The following ADGRF5 variants were observed in gnomAD, a reference collection of about 807,000 sequenced individuals.
ADGRF5 encodes the protein adhesion G protein-coupled receptor F5.
In ADGRF5, 75 loss-of-function variants were observed where a neutral mutation model predicts 132.3. That is an observed-to-expected ratio of 0.57 (90% CI 0.47 to 0.69). The LOEUF is 0.69. Ranked by LOEUF, ADGRF5 falls within the 30% of genes least tolerant of loss-of-function variation. The pLI, the probability that ADGRF5 is intolerant of heterozygous loss-of-function variation, is 0.00. For synonymous variants in ADGRF5, 629 were observed against 597.6 expected (o/e 1.05, Z -0.77); for missense variants, 1,516 against 1,630.6 (o/e 0.93, Z 1.21).
chr6:46,935,665 T>C (rs1216163748), intron 1 of ADGRF5, among the ~76,000 whole-genome samples: 1 of 152,198 alleles, frequency 6.6e-6, no homozygotes, highest in African/African-American at 2.4e-5. Flanking sequence ...GGGAAGCTAA[T>C]GTTGCCTTTC....
At position 46,862,902 on chromosome 6, in the gene ADGRF5, G is replaced by T. The variant is rs1366820057; in HGVS notation, c.2185C>A (p.Leu729Ile). 1 of 1,609,954 alleles carries T rather than the reference G, an allele frequency of 6.2e-7. No homozygotes were observed. Among genetic ancestry groups the T allele is most frequent in the Non-Finnish European group, 8.5e-7 (1 of 1,177,020 alleles). Residue 729 changes from leucine (L) to isoleucine (I), a missense_variant, in exon 15 of 21, where the codon CTC (leucine) becomes ATC (isoleucine). Coordinates refer to ENST00000283296, the MANE Select transcript of ADGRF5 (RefSeq NM_001098518.2). ...TTAAGGATCACCTTAGCCATCTGGAGCAGACTGTTTATTGGGGCAGAGATG... is the reference window on the plus strand; with the variant it reads ...TTAAGGATCACCTTAGCCATCTGGATCAGACTGTTTATTGGGGCAGAGATG... ...DCISAPINSL[L>I]QMAKALIKSP... is the part of the protein sequence containing the mutation.
At chr6:46,909,609 C>A (rs78336833) in intron 1 of ADGRF5, among the ~76,000 whole-genome samples, 3,224 of 152,302 alleles carry the variant, frequency 0.021, 109 homozygotes, top group African/African-American at 0.074. Flanking sequence ...CCATTAATGG[C>A]ATTCTCTTGC....
chr6:46,891,720 C>T (rs552365352), intron 3 of ADGRF5, among the ~76,000 whole-genome samples: 3 of 152,252 alleles, frequency 2.0e-5, no homozygotes, highest in African/African-American at 7.2e-5. Context: ...TGGTGATTCA[C>T]GGATGTTATC....
Position 46,863,099 on chromosome 6 carries a change from G to A in ADGRF5, c.1991-3C>T. On this transcript the variant is annotated splice_region_variant and splice_polypyrimidine_tract_variant and intron_variant, in intron 14 of 20. Transcript: ENST00000283296. ...ATCCTGGCATGTGATGTTTTCCCCT[G>A]TGTTGGAAACATTGAAATAAAGGGA... The A allele has an allele frequency of 6.2e-7, 1 of 1,606,848 alleles. No individual in the cohort carries two copies. Among genetic ancestry groups the A allele is most frequent in the Non-Finnish European group, 8.5e-7 (1 of 1,173,412 alleles).
In ADGRF5 at chr6:46,871,938, C is replaced by A. The variant is rs1469206021; in HGVS notation, c.1316G>T (p.Gly439Val). 6.2e-7 allele frequency: 1 copy of A among 1,612,362 alleles called. No individual in the cohort carries two copies. Among genetic ancestry groups the A allele is most frequent in the African/African-American group, 1.3e-5 (1 of 74,930 alleles). Residue 439 changes from glycine to valine, a missense_variant, in exon 11 of 21, where the codon GGG becomes GTG. Physicochemically the swap from Gly to Val is moderately radical, Grantham distance 109. Coordinates refer to ENST00000283296, the MANE Select transcript of ADGRF5 (RefSeq NM_001098518.2). ...LKADGTQCPS[G>V]SSGTTVIYTC... ...GTAGATGACTGTTGTTCCAGACGACCCGCTTGGGCACTGGGTTCCATCAGC... is the reference window on the plus strand; with the variant it reads ...GTAGATGACTGTTGTTCCAGACGACACGCTTGGGCACTGGGTTCCATCAGC...
rs189986711 is a variant in ADGRF5 at position 46,858,084 on chromosome 6, T to C, written c.3774+45A>G. ...TTGTGTTTCTATCATTAATTTGTCC[T>C]ACAGGAATAAAATCTTCCTGAAAGC... On this transcript the variant is annotated intron_variant, in intron 17 of 20. Coordinates refer to ENST00000283296, the MANE Select transcript of ADGRF5 (RefSeq NM_001098518.2). 9,359 of 1,406,532 alleles carry C rather than the reference T, an allele frequency of 6.7e-3. 42 individuals carry two copies. Among genetic ancestry groups the C allele is most frequent in the Non-Finnish European group, 7.6e-3 (7,703 of 1,020,106 alleles). The allele number at this position is 1,406,532 out of a possible 1,614,324, so 87.1% of individuals were successfully genotyped here.
At chr6:46,878,483 A>G in intron 9 of ADGRF5, 78 bp from the exon 10 acceptor site, 1 of 850,362 alleles carries the variant, frequency 1.2e-6, no homozygotes, top group Admixed American at 2.1e-5. Flanking sequence ...CAGCTCATGG[A>G]TCATGACAGT....
chr6:46,915,504 T>C (rs910247914), intron 1 of ADGRF5, among the ~76,000 whole-genome samples: 2 of 152,044 alleles, frequency 1.3e-5, no homozygotes, highest in African/African-American at 2.4e-5. Flanking sequence ...TTATTTGCAA[T>C]GTGGCTTAAA....
intron 3 of ADGRF5, among the ~76,000 whole-genome samples, chr6:46,892,793 T>G (rs1407656827): frequency 6.6e-6 from 1 of 152,156 alleles, no homozygotes; most frequent in Non-Finnish European, 1.5e-5. Context: ...AAATGCATTG[T>G]GACCCATTGT....
chr6:46,913,984 C>T (rs1289487395), intron 1 of ADGRF5, among the ~76,000 whole-genome samples: 1 of 152,176 alleles, frequency 6.6e-6, no homozygotes, highest in East Asian at 1.9e-4. Context: ...TTCTGGGATA[C>T]AGACTACGAT....
rs1363390572 is a variant in ADGRF5 at position 46,878,251 on chromosome 6, A to G, written c.1191T>C (p.Val397=). 6.2e-7 allele frequency: 1 copy of G among 1,613,648 alleles called. No homozygotes were observed. Among genetic ancestry groups the G allele is most frequent in the African/African-American group, 1.3e-5 (1 of 74,910 alleles). ...VSLNCCSQGN[V]NWSKVEWKQE... ...GCTTCCATTCTACTTTGCTCCAATTAACATTACCCTGACTGCAGCAGTTCA... is the reference window on the plus strand; with the variant it reads ...GCTTCCATTCTACTTTGCTCCAATTGACATTACCCTGACTGCAGCAGTTCA... The change falls in exon 10 of 21, where the codon GTT becomes GTC. Residue 397 remains valine, a synonymous_variant. Coordinates refer to ENST00000283296, the MANE Select transcript of ADGRF5 (RefSeq NM_001098518.2).
chr6:46,919,200 T>C (rs939118839), intron 1 of ADGRF5, among the ~76,000 whole-genome samples: 1 of 152,198 alleles, frequency 6.6e-6, no homozygotes, highest in Non-Finnish European at 1.5e-5. Flanking sequence ...ATCAATTCTC[T>C]ATTCCACATG....
At position 46,871,823 on chromosome 6, in the gene ADGRF5, A is replaced by C; in HGVS notation, c.1411+20T>G. The C allele has an allele frequency of 1.3e-6, 2 of 1,548,854 alleles. No individual in the cohort carries two copies. Among genetic ancestry groups the C allele is most frequent in the Non-Finnish European group, 1.8e-6 (2 of 1,134,084 alleles). On this transcript the variant is annotated intron_variant, in intron 11 of 20. Transcript: ENST00000283296. ...AGGTGGAACCTATTTATGGCTAAAA[A>C]TGCTAGGGAGAGTCCTTACCCACAG...
At chr6:46,911,082 C>T (rs1775904617) in intron 1 of ADGRF5, among the ~76,000 whole-genome samples, 1 of 152,166 alleles carries the variant, frequency 6.6e-6, no homozygotes, top group Non-Finnish European at 1.5e-5. Context: ...TCATGTACAC[C>T]ATGGCAATGG....
intron 1 of ADGRF5, among the ~76,000 whole-genome samples, chr6:46,910,857 A>T (rs1775877031): frequency 6.6e-6 from 1 of 152,146 alleles, no homozygotes. Flanking sequence ...CTTATCAGTA[A>T]ATCCAGGGAT....
At chr6:46,879,330 G>T (rs936891476) in intron 9 of ADGRF5, among the ~76,000 whole-genome samples, 1 of 151,950 alleles carries the variant, frequency 6.6e-6, no homozygotes, top group Non-Finnish European at 1.5e-5. Flanking sequence ...ATCTCATGTC[G>T]AATTATAATC....
At chr6:46,864,916 C>G in intron 14 of ADGRF5, 126 bp downstream of exon 14, 3 of 672,668 alleles carry the variant, frequency 4.5e-6, no homozygotes, top group Non-Finnish European at 7.7e-6. Flanking sequence ...CTATGGTGAG[C>G]CCAGGGCCTA....
chr6:46,881,607 G>A lies in ADGRF5; in HGVS notation c.672-10C>T, dbSNP rs531188349. On this transcript the variant is annotated splice_polypyrimidine_tract_variant and intron_variant, in intron 7 of 20. Coordinates refer to ENST00000283296, the MANE Select transcript of ADGRF5 (RefSeq NM_001098518.2). ...AACCACACTTCCAGACCTGGACAGA[G>A]ACCACTCAGTTCAGTAAAACAATAA... 6.8e-5 allele frequency: 110 copies of A among 1,612,750 alleles called. 2 individuals are homozygous for A. In the South Asian group the frequency reaches 6.9e-4, roughly 10 times the overall value.
intron 1 of ADGRF5, among the ~76,000 whole-genome samples, chr6:46,927,390 C>A (rs186909299): frequency 6.6e-6 from 1 of 152,216 alleles, no homozygotes; most frequent in East Asian, 1.9e-4. Context: ...AGGTCACAAG[C>A]AGCGTTAGTG....
Sources: gnomAD v4.1 joint callset for allele counts (sites outside exome capture counted in the v4.1 genomes callset) on GRCh38, gnomAD v4.1.1 for gene constraint, MANE v1.5 for transcripts, NCBI Gene and HGNC (gene_info 2026-07-23, HGNC 2026-07-21) for gene names.